IL34: variants seen among roughly 807,000 people sequenced by gnomAD.
IL34 encodes interleukin 34, also known as interleukin-34.
In IL34, 17 loss-of-function variants were observed where a neutral mutation model predicts 25.3. The ratio of observed to expected loss-of-function variants is 0.67; its 90% CI spans 0.46 to 1.01. IL34 has a LOEUF of 1.01. Ranked by LOEUF, IL34 falls within the 50% of genes least tolerant of loss-of-function variation. The pLI, the probability that IL34 is intolerant of heterozygous loss-of-function variation, is 0.00. For synonymous variants in IL34, 174 were observed against 140.9 expected (o/e 1.23, Z -1.66); for missense variants, 368 against 312.9 (o/e 1.18, Z -1.33).
At chr16:70,615,067 A>C (rs1277847261) in intron 1 of IL34, among the ~76,000 whole-genome samples, 1 of 152,218 alleles carries the variant, frequency 6.6e-6, no homozygotes, top group East Asian at 1.9e-4. Flanking sequence ...GCTGATCCTC[A>C]GGAAAACAGA....
chr16:70,658,429 C>T (rs569595279), intron 4 of IL34, among the ~76,000 whole-genome samples: 21 of 152,120 alleles, frequency 1.4e-4, no homozygotes, highest in Non-Finnish European at 2.9e-4. Context: ...GCCTCAGCCT[C>T]CCAAAGTCCT....
chr16:70,616,275 A>C (rs1448177129), intron 1 of IL34, among the ~76,000 whole-genome samples: 2 of 152,236 alleles, frequency 1.3e-5, no homozygotes, highest in Non-Finnish European at 2.9e-5. Flanking sequence ...TCCACTCCAT[A>C]AGGTTAATAC....
intron 1 of IL34, among the ~76,000 whole-genome samples, chr16:70,592,200 C>T (rs142077195): frequency 6.7e-6 from 1 of 149,160 alleles, no homozygotes; most frequent in Non-Finnish European, 1.5e-5. Flanking sequence ...GCCAGCAGAC[C>T]TGCTGGCCCG....
chr16:70,591,570 TAAAAAAAAAA>T (rs35725906), intron 1 of IL34, among the ~76,000 whole-genome samples: 3 of 127,190 alleles, frequency 2.4e-5, no homozygotes, highest in Admixed American at 8.0e-5. Flanking sequence ...TCCTGTCTCT[TAAAAAAAAAA>T]AAAAAAAAAG....
intron 1 of IL34, 117 bp downstream of exon 1, chr16:70,647,092 A>T (rs923767952): frequency 1.1e-6 from 1 of 922,282 alleles, no homozygotes; most frequent in East Asian, 3.3e-5. Context: ...GATGCTTCCC[A>T]GCCGGACTGC....
chr16:70,639,614 G>A (rs7199618), intron 1 of IL34, among the ~76,000 whole-genome samples: 45,348 of 151,884 alleles, frequency 0.3, 7,016 homozygotes, highest in South Asian at 0.46. Flanking sequence ...GTATCGTGAC[G>A]AAGGGCTTGA....
chr16:70,591,439 C>T (rs558128062), intron 1 of IL34, among the ~76,000 whole-genome samples: 1 of 151,990 alleles, frequency 6.6e-6, no homozygotes, highest in African/African-American at 2.4e-5. Context: ...CGTGGTGGCA[C>T]GTACCTGTAG....
In IL34 at chr16:70,657,114, G is replaced by A. The variant is rs770414893; in HGVS notation, c.395G>A (p.Gly132Asp). The A allele has an allele frequency of 1.2e-6, 2 of 1,612,622 alleles. No individual in the cohort carries two copies. The highest frequency in any genetic ancestry group is 4.5e-5 in the East Asian group (2 of 44,854). ...VETLLLNVQQ[G>D]LTDVEVSPKV... Reference sequence around the variant, plus strand: ...ACGCTGCTGCTGAATGTCCAGCAGGGCCTCACGGTGAGTTGTGTGGAGGAG... The same window carrying A: ...ACGCTGCTGCTGAATGTCCAGCAGGACCTCACGGTGAGTTGTGTGGAGGAG... Residue 132 changes from glycine (G) to aspartate (D), a missense_variant, in exon 4 of 6, where the codon GGC becomes GAC. Physicochemically the swap from Gly to Asp is moderately conservative, Grantham distance 94. Transcript: ENST00000288098.
intron 1 of IL34, among the ~76,000 whole-genome samples, chr16:70,620,349 G>C (rs1177658646): frequency 6.6e-6 from 1 of 152,106 alleles, no homozygotes; most frequent in Non-Finnish European, 1.5e-5. Context: ...TATGCCTTTG[G>C]CTCCAGCCAC....
intron 1 of IL34, among the ~76,000 whole-genome samples, chr16:70,580,255 A>G (rs564707538): frequency 2.0e-5 from 3 of 152,310 alleles, no homozygotes; most frequent in East Asian, 1.9e-4. Context: ...CTGGGTTTCA[A>G]TTTTTAACCT....
chr16:70,629,436 T>G (rs1015072331), intron 1 of IL34, among the ~76,000 whole-genome samples: 1 of 152,314 alleles, frequency 6.6e-6, no homozygotes, highest in African/African-American at 2.4e-5. Flanking sequence ...TTTTGTATAC[T>G]TGCGGAACCG....
intron 1 of IL34, among the ~76,000 whole-genome samples, chr16:70,648,538 T>G (rs938455003): frequency 7.6e-5 from 8 of 105,438 alleles, no homozygotes; most frequent in East Asian, 2.7e-4. Context: ...GGCAACAGGG[T>G]GAGACCCTGT....
intron 1 of IL34, among the ~76,000 whole-genome samples, chr16:70,635,296 A>T (rs1319784482): frequency 6.6e-6 from 1 of 152,170 alleles, no homozygotes; most frequent in Non-Finnish European, 1.5e-5. Context: ...CATAGAGGGG[A>T]TAACCCCTCT....
chr16:70,646,079 T>A (rs914660638), upstream of IL34, among the ~76,000 whole-genome samples: 4 of 152,162 alleles, frequency 2.6e-5, no homozygotes, highest in Admixed American at 6.5e-5. Flanking sequence ...TTTCTTAATT[T>A]TTTTTTTATT....
intron 1 of IL34, 108 bp downstream of exon 1, chr16:70,647,083 A>G: frequency 2.0e-6 from 2 of 1,016,618 alleles, no homozygotes; most frequent in East Asian, 3.3e-5. Flanking sequence ...AGAAGTTGCG[A>G]TGCTTCCCAG....
At chr16:70,611,738 G>A (rs538431893) in intron 1 of IL34, among the ~76,000 whole-genome samples, 85 of 152,134 alleles carry the variant, frequency 5.6e-4, no homozygotes, top group Admixed American at 9.8e-4. Context: ...CAGCTACTCC[G>A]GAGGCTGAGA....
intron 1 of IL34, among the ~76,000 whole-genome samples, chr16:70,614,706 T>C (rs2051147529): frequency 6.6e-6 from 1 of 152,246 alleles, no homozygotes; most frequent in East Asian, 1.9e-4. Flanking sequence ...ACTCTTTGTG[T>C]CTCACAGTGT....
At chr16:70,635,201 T>C (rs1013618172) in intron 1 of IL34, among the ~76,000 whole-genome samples, 1 of 152,158 alleles carries the variant, frequency 6.6e-6, no homozygotes, top group Non-Finnish European at 1.5e-5. Context: ...GCTTATACTC[T>C]CAAGGGTAAC....
chr16:70,596,689 C>CTG (rs2050828286), intron 1 of IL34, among the ~76,000 whole-genome samples: 1 of 152,178 alleles, frequency 6.6e-6, no homozygotes, highest in Non-Finnish European at 1.5e-5. Flanking sequence ...CGACTATTGC[C>CTG]TGTGTGTGTC....
Sources: gnomAD v4.1 joint callset for allele counts (sites outside exome capture counted in the v4.1 genomes callset) on GRCh38, gnomAD v4.1.1 for gene constraint, MANE v1.5 for transcripts, NCBI Gene and HGNC (gene_info 2026-07-23, HGNC 2026-07-21) for gene names.